The following ZIC4 variants were observed in gnomAD, a reference collection of about 807,000 sequenced individuals.
The protein encoded by ZIC4 is zinc finger protein ZIC 4.
Under a neutral mutation model 28.8 loss-of-function variants are expected in ZIC4, and 15 were observed. The observed-to-expected ratio is 0.52, with a 90% CI of 0.35 to 0.80. The LOEUF is 0.80. Among genes scored for constraint, ZIC4 ranks in the 30% least tolerant of loss-of-function variants. The pLI is 0.01. For synonymous variants in ZIC4, 220 were observed against 198.1 expected (o/e 1.11, Z -0.93); for missense variants, 512 against 467.1 (o/e 1.10, Z -0.89).
chr3:147,391,095 C>A lies in ZIC4; in HGVS notation c.840G>T (p.Ser280=), dbSNP rs75921971. 1,252 of 1,614,138 alleles carry A rather than the reference C, an allele frequency of 7.8e-4. 14 individuals are homozygous for A. The African/African-American group carries it at 0.015, about 19-fold the overall frequency. ...GCDKCYTHPS[S]LRKHMKVHGR... is the part of the protein sequence containing the mutation. ...CGTGCACCTTCATGTGCTTACGCAG[C>A]GAGCTGGGGTGCGTGTAGCACTTGT... The change falls in exon 4 of 5, where the codon TCG becomes TCT. Residue 280 remains serine, a synonymous_variant. Transcript: ENST00000383075.
At chr3:147,403,747 C>A in intron 1 of ZIC4, 1 of 449,404 alleles carries the variant, frequency 2.2e-6, no homozygotes, top group Non-Finnish European at 3.9e-6. Context: ...GATGTCTGCC[C>A]ACAGAACAAG....
intron 4 of ZIC4, 55 bp downstream of exon 4, chr3:147,390,876 G>T: frequency 6.4e-7 from 1 of 1,551,208 alleles, no homozygotes; most frequent in Non-Finnish European, 8.7e-7. Flanking sequence ...GTAGCTCGGG[G>T]CTGAGGATCG....
rs2086848457 is a variant in ZIC4 at position 147,388,856 on chromosome 3, A to C, written c.*3T>G. 2.6e-6 allele frequency: 2 copies of C among 780,226 alleles called. No individual in the cohort carries two copies. The highest frequency in any genetic ancestry group is 4.8e-6 in the Non-Finnish European group (2 of 417,972). 48.3% of individuals were successfully genotyped at this position (780,226 alleles called of 1,614,324 possible). A position where few individuals can be genotyped will look rare whatever the true frequency, so the allele number is the denominator to read the frequency against. ...GATTACCTTGCGAGCAACGCGGTGG[A>C]CATCTGTAACAAGCAAATGAAAAAT... On this transcript the variant is annotated 3_prime_UTR_variant, in exon 5 of 5. Coordinates refer to ENST00000383075, the MANE Select transcript of ZIC4 (RefSeq NM_032153.6).
At chr3:147,404,395 G>T in intron 1 of ZIC4, 1 of 814,372 alleles carries the variant, frequency 1.2e-6, no homozygotes, top group Non-Finnish European at 1.6e-6. Context: ...TCTCTGTAGC[G>T]TTTCCATCAC....
rs150215101 is a variant in ZIC4, at chr3:147,388,625, G to T, written c.*234C>A. Reference sequence around the variant, plus strand: ...TATACTTGTATACACAAGAAAAAAGGTCTGTTAGACGTAAATATTATGTCC... The same window carrying T: ...TATACTTGTATACACAAGAAAAAAGTTCTGTTAGACGTAAATATTATGTCC... On this transcript the variant is annotated 3_prime_UTR_variant, in exon 5 of 5. Transcript: ENST00000383075. The T allele has an allele frequency of 2.4e-4, 120 of 506,978 alleles. No homozygotes were observed. In the East Asian group the frequency reaches 2.9e-3, roughly 12 times the overall value. The allele number at this position is 506,978 out of a possible 1,614,324, so 31.4% of individuals were successfully genotyped here.
Position 147,396,980 on chromosome 3 carries a change from C to A in ZIC4, c.71-511G>T. On this transcript the variant is annotated intron_variant, in intron 2 of 4. Transcript: ENST00000383075. The surrounding 1 kb of genome is among the most constrained non-coding windows in gnomAD (Gnocchi z 4.2). The stretch of plus-strand genomic sequence containing the variant: ...GAGAGGGCGGCCGGCTGCTTGCCGA[C>A]CCACGCTCCCCGGAGCTCCCTGTAC... The A allele has an allele frequency of 6.5e-6, 1 of 152,764 alleles. No individual in the cohort carries two copies. The highest frequency in any genetic ancestry group is 1.5e-5 in the Non-Finnish European group (1 of 68,504). 9.5% of individuals were successfully genotyped at this position (152,764 alleles called of 1,614,324 possible). A position where few individuals can be genotyped will look rare whatever the true frequency, so the allele number is the denominator to read the frequency against.
intron 3 of ZIC4, 72 bp downstream of exon 3, chr3:147,395,780 T>C (rs1473190912): frequency 3.1e-5 from 48 of 1,543,726 alleles, no homozygotes; most frequent in Non-Finnish European, 4.0e-5. Flanking sequence ...CAGTTGGGAC[T>C]TGAGGAAATC....
In ZIC4 at chr3:147,391,305, G is replaced by T. The variant is rs996913082; in HGVS notation, c.689-59C>A. On this transcript the variant is annotated intron_variant, in intron 3 of 4. Coordinates refer to ENST00000383075, the MANE Select transcript of ZIC4 (RefSeq NM_032153.6). Reference sequence around the variant, plus strand: ...TGGGTCGTGTTCCCGTCAGGTGCTTGCCACCCTCCCCCATTCGTCTCTCAT... The same window carrying T: ...TGGGTCGTGTTCCCGTCAGGTGCTTTCCACCCTCCCCCATTCGTCTCTCAT... The T allele has an allele frequency of 9.4e-6, 14 of 1,486,336 alleles. No homozygotes were observed. The African/African-American group carries it at 1.7e-4, about 18-fold the overall frequency. 92.1% of individuals were successfully genotyped at this position (1,486,336 alleles called of 1,614,324 possible).
In ZIC4 at chr3:147,402,774, C is replaced by G; in HGVS notation, c.24G>C (p.Val8=). ...GGTAAAGCCGTAATCGTTTCCTCAT[C>G]ACCAAGGATGTCTTGTATCTCATTT... MRYKTSL[V]MRKRLRLYRN... The change falls in exon 2 of 5, where the codon GTG becomes GTC. Residue 8 remains valine, a synonymous_variant. Coordinates refer to ENST00000383075, the MANE Select transcript of ZIC4 (RefSeq NM_032153.6). 1 of 1,613,866 alleles carries G rather than the reference C, an allele frequency of 6.2e-7. No homozygotes were observed. Among genetic ancestry groups the G allele is most frequent in the South Asian group, 1.1e-5 (1 of 91,028 alleles).
At position 147,396,558 on chromosome 3, in the gene ZIC4, C is replaced by CCCCCG; in HGVS notation, c.71-90_71-89insCGGGG. The CCCCCG allele has an allele frequency of 7.0e-7, 1 of 1,426,646 alleles. No individual in the cohort carries two copies. The highest frequency in any genetic ancestry group is 9.2e-7 in the Non-Finnish European group (1 of 1,089,550). The allele number at this position is 1,426,646 out of a possible 1,614,324, so 88.4% of individuals were successfully genotyped here. On this transcript the variant is annotated intron_variant, in intron 2 of 4. Coordinates refer to ENST00000383075, the MANE Select transcript of ZIC4 (RefSeq NM_032153.6). The surrounding 1 kb of genome is among the most constrained non-coding windows in gnomAD (Gnocchi z 4.2). ...CCCCGGGGGGCAGGCCCAGCCCTGC[C>CCCCCG]GCACTACGGCCTCTGCAGTCAGCCG...
rs889588155 is a variant in ZIC4 at position 147,391,231 on chromosome 3, C to A, written c.704G>T (p.Arg235Ile). 1.1e-5 allele frequency: 17 copies of A among 1,593,236 alleles called. No homozygotes were observed. In the African/African-American group the frequency reaches 1.9e-4, roughly 18 times the overall value. The part of the protein sequence containing the change: ...KRTHTGEKPF[R>I]CEFEGCERRF... ...CCGCTCGCAGCCCTCGAACTCGCATCTGAAGGGCTTCTCGCCTGGCGGAGG... is the reference window on the plus strand; with the variant it reads ...CCGCTCGCAGCCCTCGAACTCGCATATGAAGGGCTTCTCGCCTGGCGGAGG... Residue 235 changes from arginine (R) to isoleucine (I), a missense_variant, in exon 4 of 5, where the codon AGA becomes ATA. Physicochemically the swap from Arg to Ile is moderately conservative, Grantham distance 97 (BLOSUM62 -3). Around this residue, in one of 3 missense-constraint regions of ZIC4, gnomAD observed 58 missense variants for 93.8 expected, o/e 0.62. Coordinates refer to ENST00000383075, the MANE Select transcript of ZIC4 (RefSeq NM_032153.6).
At chr3:147,399,858 G>A (rs911982400) in intron 2 of ZIC4, among the ~76,000 whole-genome samples, 8 of 152,040 alleles carry the variant, frequency 5.3e-5, no homozygotes, top group Admixed American at 4.6e-4. Flanking sequence ...TAAAGACGGA[G>A]TTTCACCATG....
At chr3:147,405,275 C>T in intron 1 of ZIC4, 1 of 1,209,842 alleles carries the variant, frequency 8.3e-7, no homozygotes, top group Non-Finnish European at 1.1e-6. Context: ...CACCCCTCCC[C>T]CAACCTGCAG....
intron 4 of ZIC4, chr3:147,389,166 C>T: frequency 2.3e-6 from 1 of 427,204 alleles, no homozygotes; most frequent in Non-Finnish European, 4.1e-6. Context: ...GCAGGAATTT[C>T]AGTCCCCCTT....
intron 4 of ZIC4, among the ~76,000 whole-genome samples, chr3:147,390,361 C>G (rs146113704): frequency 5.9e-5 from 9 of 152,034 alleles, no homozygotes; most frequent in African/African-American, 2.2e-4. Flanking sequence ...TTGCCCCCTT[C>G]CCTTGATCTG....
rs571975112 is a variant in ZIC4, at chr3:147,398,029, G to A, written c.71-1560C>T. Among the ~76,000 whole-genome samples, 3 of 152,250 alleles carry A rather than the reference G, an allele frequency of 2.0e-5. No individual in the cohort carries two copies. In the East Asian group the frequency reaches 5.8e-4, roughly 30 times the overall value. On this transcript the variant is annotated intron_variant, in intron 2 of 4. Transcript: ENST00000383075. ...GACCAGGGACGGGATTAGGCGGGAA[G>A]TGGTGACGGCCTGAAAAGGCTGGGC...
rs142909768 is a variant in ZIC4 at position 147,386,328 on chromosome 3, C to G, written c.*2531G>C. The G allele has an allele frequency of 8.7e-4, 133 of 152,634 alleles. 1 individual carries two copies. The highest frequency in any genetic ancestry group is 3.1e-3 in the African/African-American group (128 of 41,572). The allele number at this position is 152,634 out of a possible 1,614,324, so 9.5% of individuals were successfully genotyped here. ...TGTGGGTAGAGAGGGTACAAATAGT[C>G]TAAAGATTTCAGCCAGGCTTTTGTG... On this transcript the variant is annotated 3_prime_UTR_variant, in exon 5 of 5. Transcript: ENST00000383075.
rs748577372 is a variant in ZIC4, at chr3:147,396,255, C to A, written c.285G>T (p.Leu95=). 6.2e-7 allele frequency: 1 copy of A among 1,612,862 alleles called. No homozygotes were observed. Among genetic ancestry groups the A allele is most frequent in the Non-Finnish European group, 8.5e-7 (1 of 1,179,412 alleles). ...RSDALAAAAA[L]HGYGGMNLTV... ...TCAGGTTCATGCCCCCGTAGCCATGCAGGGCTGCGGCAGCTGCCAGGGCGT... is the reference window on the plus strand; with the variant it reads ...TCAGGTTCATGCCCCCGTAGCCATGAAGGGCTGCGGCAGCTGCCAGGGCGT... Residue 95 remains leucine (L), a synonymous_variant, in exon 3 of 5, where the codon CTG becomes CTT. Coordinates refer to ENST00000383075, the MANE Select transcript of ZIC4 (RefSeq NM_032153.6). This position sits in a 1 kb window ranked among gnomAD's most constrained non-coding sequence, Gnocchi z 4.2.
intron 2 of ZIC4, among the ~76,000 whole-genome samples, chr3:147,399,900 A>G (rs1240523292): frequency 6.6e-6 from 1 of 152,138 alleles, no homozygotes; most frequent in Non-Finnish European, 1.5e-5. Flanking sequence ...TCTTGACCTC[A>G]GGTGACCTGC....
Sources: allele counts gnomAD v4.1 joint callset (sites outside exome capture counted in the v4.1 genomes callset), GRCh38; gene constraint gnomAD v4.1.1; regional missense constraint gnomAD v4.1.1; non-coding constraint Gnocchi (gnomAD v3.1); transcripts MANE v1.5; gene names NCBI Gene and HGNC (gene_info 2026-07-23, HGNC 2026-07-21).